The following DENND1C variants were observed in gnomAD, a reference collection of about 807,000 sequenced individuals.
The protein encoded by DENND1C is DENN domain containing 1C.
In DENND1C, 64 loss-of-function variants were observed where a neutral mutation model predicts 87.9. The observed-to-expected ratio is 0.73, with a 90% confidence interval of 0.60 to 0.90. The LOEUF (loss-of-function observed/expected upper bound fraction) is 0.90, where lower values mean the gene tolerates loss of function less well. Ranked by LOEUF, DENND1C falls within the 40% of genes least tolerant of loss-of-function variation. The pLI, the probability that DENND1C is intolerant of heterozygous loss-of-function variation, is 0.00. For synonymous variants in DENND1C, 384 were observed against 424.4 expected (o/e 0.90, Z 1.17); for missense variants, 980 against 1,037.0 (o/e 0.95, Z 0.76).
chr19:6,473,992 T>C (rs1335406134), intron 14 of DENND1C, among the ~76,000 whole-genome samples: 1 of 151,826 alleles, frequency 6.6e-6, no homozygotes, highest in Non-Finnish European at 1.5e-5. Flanking sequence ...GTCTGGAGTT[T>C]GAGACCAGCC....
rs1356191219 is a variant in DENND1C, at chr19:6,478,775, G to A, written c.366+8C>T. 6.2e-7 allele frequency: 1 copy of A among 1,610,202 alleles called. No individual in the cohort carries two copies. Among genetic ancestry groups the A allele is most frequent in the Admixed American group, 1.7e-5 (1 of 59,246 alleles). ...CTCCCACAGGAGTGAGAGAGGGGCTGGTCTCACTTGGTCCTGGGCTAGGAG... is the reference window on the plus strand; with the variant it reads ...CTCCCACAGGAGTGAGAGAGGGGCTAGTCTCACTTGGTCCTGGGCTAGGAG... On this transcript the variant is annotated splice_region_variant and intron_variant, in intron 6 of 22. Coordinates refer to ENST00000381480, the MANE Select transcript of DENND1C (RefSeq NM_024898.4).
chr19:6,470,420 C>A (rs994297698), intron 17 of DENND1C, 54 bp from the exon 18 acceptor site: 8 of 1,561,024 alleles, frequency 5.1e-6, no homozygotes, highest in Admixed American at 3.7e-5. Flanking sequence ...CCCACCTCCC[C>A]ATCCCAGGTT....
Position 6,467,782 on chromosome 19 carries a change from G to A in DENND1C, c.2128C>T (p.Pro710Ser), listed in dbSNP as rs778293632. ...TPWLSTAPTE[P>S]SPPESPQILA... The stretch of plus-strand genomic sequence containing the variant: ...ATTTGGGGGCTTTCTGGAGGGCTGG[G>A]CTCAGTGGGTGCAGTGGAGAGCCAG... The change falls in exon 23 of 23, where the codon CCC becomes TCC. Residue 710 changes from proline to serine, a missense_variant. Physicochemically the swap from Pro to Ser is moderately conservative, Grantham distance 74. Transcript: ENST00000381480. 13 of 1,527,388 alleles carry A rather than the reference G, an allele frequency of 8.5e-6. No individual in the cohort carries two copies. The highest frequency in any genetic ancestry group is 3.5e-6 in the Non-Finnish European group (4 of 1,140,570). 94.6% of individuals were successfully genotyped at this position (1,527,388 alleles called of 1,614,324 possible). A position where few individuals can be genotyped will look rare whatever the true frequency, so the allele number is the denominator to read the frequency against.
intron 14 of DENND1C, 94 bp downstream of exon 14, chr19:6,475,180 A>T: frequency 6.3e-7 from 1 of 1,578,458 alleles, no homozygotes. Flanking sequence ...TACAGGCGTG[A>T]GCCACTGCGT....
chr19:6,476,675 A>T (rs11665713), intron 10 of DENND1C, 182 bp downstream of exon 10: 3 of 617,484 alleles, frequency 4.9e-6, no homozygotes, highest in East Asian at 2.9e-5. Flanking sequence ...GCTGCAGCGC[A>T]GCCCCCTCCC....
chr19:6,469,872 A>G (rs1320099779), intron 18 of DENND1C: 1 of 564,316 alleles, frequency 1.8e-6, no homozygotes, highest in Non-Finnish European at 3.2e-6. Context: ...GGAGTGGCAA[A>G]GCAACAGGGC....
At position 6,475,888 on chromosome 19, in the gene DENND1C, C is replaced by A. The variant is rs866305523; in HGVS notation, c.728G>T (p.Trp243Leu). Residue 243 changes from tryptophan to leucine, a missense_variant, in exon 11 of 23, where the codon TGG (tryptophan) becomes TTG (leucine). Transcript: ENST00000381480. ...ASCALLYPMR[W>L]EHVLIPTLPP... The stretch of plus-strand genomic sequence containing the variant: ...CAGCGTGGGGATCAGCACGTGCTCC[C>A]AGCGCATGGGGTACAGGAGCGCGCA... The A allele has an allele frequency of 1.3e-6, 2 of 1,565,266 alleles. No individual in the cohort carries two copies. The highest frequency in any genetic ancestry group is 2.3e-5 in the South Asian group (2 of 85,168).
chr19:6,470,776 C>T (rs1291702823), intron 17 of DENND1C, among the ~76,000 whole-genome samples: 2 of 151,234 alleles, frequency 1.3e-5, no homozygotes, highest in Non-Finnish European at 2.9e-5. Context: ...CGCCTGCCAC[C>T]ACACCCGGCT....
At chr19:6,471,629 C>T (rs554343599) in intron 15 of DENND1C, 133 bp from the exon 16 acceptor site, 2 of 712,256 alleles carry the variant, frequency 2.8e-6, no homozygotes, top group Middle Eastern at 7.9e-4. Context: ...ACCTGGGAAA[C>T]TGGAGCCCAC....
At chr19:6,481,080 T>G (rs1240791647) in intron 1 of DENND1C, among the ~76,000 whole-genome samples, 4 of 151,742 alleles carry the variant, frequency 2.6e-5, no homozygotes, top group Non-Finnish European at 5.9e-5. Context: ...GTCCCACATG[T>G]CTCATCAGAG....
chr19:6,471,329 G>A (rs1445744964), intron 16 of DENND1C, 24 bp from the exon 17 acceptor site: 4 of 1,595,490 alleles, frequency 2.5e-6, no homozygotes, highest in Non-Finnish European at 3.4e-6. Context: ...AGAGTGTGGT[G>A]GTCACCGAAG....
chr19:6,470,451 C>T, intron 17 of DENND1C, 85 bp from the exon 18 acceptor site: 1 of 1,349,300 alleles, frequency 7.4e-7, no homozygotes, highest in Non-Finnish European at 1.0e-6. Flanking sequence ...AATCAAGCCC[C>T]TTTCCCTCTC....
In DENND1C at chr19:6,470,278, G is replaced by T; in HGVS notation, c.1362+17C>A. 6.3e-7 allele frequency: 1 copy of T among 1,598,982 alleles called. No homozygotes were observed. On this transcript the variant is annotated intron_variant, in intron 18 of 22. Coordinates refer to ENST00000381480, the MANE Select transcript of DENND1C (RefSeq NM_024898.4). ...CTCGTCACCCCAGCAAGAGTGGCCTGTCCAGCTCAGCCTCACCGAGCGGTA... is the reference window on the plus strand; with the variant it reads ...CTCGTCACCCCAGCAAGAGTGGCCTTTCCAGCTCAGCCTCACCGAGCGGTA...
intron 18 of DENND1C, chr19:6,470,004 T>G (rs2092818564): frequency 2.4e-6 from 1 of 417,930 alleles, no homozygotes; most frequent in Non-Finnish European, 4.3e-6. Flanking sequence ...AATTGTAGCA[T>G]CCAAGGACAA....
rs544321190 is a variant in DENND1C, at chr19:6,471,925, A to G, written c.1159-429T>C. On this transcript the variant is annotated intron_variant, in intron 15 of 22. Transcript: ENST00000381480. ...CCCAAAATGCTGGGATTACAGGCGT[A>G]AGCCACTGTCCCCGGCCCGGAGCCC... Among the ~76,000 whole-genome samples the G allele has an allele frequency of 7.9e-5, 12 of 152,254 alleles. 1 individual carries two copies. The highest frequency in any genetic ancestry group is 6.8e-3 in the Middle Eastern group (2 of 294).
In DENND1C at chr19:6,473,456, G is replaced by GT. The variant is rs1206263146; in HGVS notation, c.1054-464dup. The stretch of plus-strand genomic sequence containing the variant: ...GTGTGAGCCACCGCGCCCAGCCCTG[G>GT]TTTTTTTTTTTTTTTTTTTCATTTC... On this transcript the variant is annotated intron_variant, in intron 14 of 22. Coordinates refer to ENST00000381480, the MANE Select transcript of DENND1C (RefSeq NM_024898.4). Among the ~76,000 whole-genome samples the GT allele has an allele frequency of 2.8e-3, 215 of 77,832 alleles. 2 individuals carry two copies. The highest frequency in any genetic ancestry group is 7.4e-3 in the African/African-American group (176 of 23,906). The allele number at this position is 77,832 out of a possible 152,430, so 51.1% of individuals were successfully genotyped here. A position where few individuals can be genotyped will look rare whatever the true frequency, so the allele number is the denominator to read the frequency against.
intron 14 of DENND1C, 44 bp from the exon 15 acceptor site, chr19:6,473,037 G>C (rs1568396386): frequency 7.3e-7 from 1 of 1,374,674 alleles, no homozygotes; most frequent in African/African-American, 1.5e-5. Context: ...GGTGCTCCTG[G>C]CCCTCCCTCA....
chr19:6,477,578 G>GT (rs376685830), intron 6 of DENND1C, 120 bp from the exon 7 acceptor site: 32,575 of 334,982 alleles, frequency 0.097, 603 homozygotes, highest in African/African-American at 0.2. Flanking sequence ...AGTCCTGGGA[G>GT]TTTTTTTTTT....
At chr19:6,469,814 T>C in intron 18 of DENND1C, 174 bp from the exon 19 acceptor site, 2 of 637,640 alleles carry the variant, frequency 3.1e-6, no homozygotes, top group South Asian at 3.8e-5. Context: ...CCCCTTTGAC[T>C]AATATAAAAT....
Sources: gnomAD v4.1 joint callset for allele counts (sites outside exome capture counted in the v4.1 genomes callset) on GRCh38, gnomAD v4.1.1 for gene constraint, MANE v1.5 for transcripts, NCBI Gene and HGNC (gene_info 2026-07-23, HGNC 2026-07-21) for gene names.